Variants in NRXN3 observed in about 807,000 individuals in gnomAD.
NRXN3 encodes neurexin 3.
Under a neutral mutation model 137.6 loss-of-function variants are expected in NRXN3, and 32 were observed. That is an observed-to-expected ratio of 0.23 (90% CI 0.18 to 0.31). The LOEUF (loss-of-function observed/expected upper bound fraction) is 0.31, where lower values mean the gene tolerates loss of function less well. Among genes scored for constraint, NRXN3 ranks in the 10% least tolerant of loss-of-function variants. The probability of loss-of-function intolerance (pLI) is 1.00; values close to 1 mark genes in which losing one functional copy is unlikely to be tolerated. For missense variants in NRXN3, 1,574 were observed against 2,062.5 expected (o/e 0.76, Z 4.59); for synonymous variants, 798 against 784.5 (o/e 1.02, Z -0.29).
chr14:79,383,601 AC>A (rs1429137421), intron 15 of NRXN3, among the ~76,000 whole-genome samples: 5 of 152,172 alleles, frequency 3.3e-5, no homozygotes. Context: ...CACAATACTC[AC>A]TGCTCCTCAG....
chr14:78,410,721 A>G (rs2092776920), intron 4 of NRXN3, among the ~76,000 whole-genome samples: 1 of 152,226 alleles, frequency 6.6e-6, no homozygotes, highest in South Asian at 2.1e-4. Flanking sequence ...TGAAAAATGC[A>G]AAACTCTGGC....
At chr14:78,373,841 G>A (rs1216101707) in intron 4 of NRXN3, among the ~76,000 whole-genome samples, 1 of 152,132 alleles carries the variant, frequency 6.6e-6, no homozygotes, top group East Asian at 1.9e-4. Flanking sequence ...ATCTCTGAGA[G>A]AGAAAAAAAG....
chr14:79,435,492 A>G (rs2095831027), intron 15 of NRXN3, among the ~76,000 whole-genome samples: 1 of 151,922 alleles, frequency 6.6e-6, no homozygotes. Flanking sequence ...TTTCAAAAAA[A>G]CTCAACCTTC....
At chr14:78,878,333 G>T (rs2099118773) in intron 10 of NRXN3, among the ~76,000 whole-genome samples, 2 of 152,088 alleles carry the variant, frequency 1.3e-5, no homozygotes, top group Admixed American at 1.3e-4. Context: ...AACCTTCAGA[G>T]AATCTTTCCA....
At chr14:78,457,055 C>T (rs2094760614) in intron 4 of NRXN3, among the ~76,000 whole-genome samples, 1 of 145,912 alleles carries the variant, frequency 6.9e-6, no homozygotes, top group South Asian at 2.3e-4. Flanking sequence ...CCCGCCACCT[C>T]CTCTTTCTCC....
chr14:78,734,987 G>T (rs984651105), intron 8 of NRXN3, among the ~76,000 whole-genome samples: 2 of 152,142 alleles, frequency 1.3e-5, no homozygotes, highest in Admixed American at 6.6e-5. Flanking sequence ...TTTTTTAAAG[G>T]TCATCTTGGC....
At chr14:79,301,844 C>T (rs2085195768) in intron 15 of NRXN3, among the ~76,000 whole-genome samples, 1 of 151,668 alleles carries the variant, frequency 6.6e-6, no homozygotes, top group South Asian at 2.1e-4. Flanking sequence ...CATTTGTGGA[C>T]TTGAAGTTGA....
intron 1 of NRXN3, among the ~76,000 whole-genome samples, chr14:78,221,399 G>A (rs1192054258): frequency 2.0e-5 from 3 of 152,198 alleles, no homozygotes; most frequent in Admixed American, 1.3e-4. Context: ...CAGGTTACTG[G>A]AGCGGAGGCA....
chr14:78,790,385 T>C (rs922685491), intron 8 of NRXN3, among the ~76,000 whole-genome samples: 2 of 152,140 alleles, frequency 1.3e-5, no homozygotes, highest in African/African-American at 2.4e-5. Context: ...CAGGACTCCG[T>C]TGAGAATGTG....
rs184441794 is a variant in NRXN3 at position 78,372,406 on chromosome 14, C to A, written c.757+74546C>A. 1.6e-3 allele frequency among the ~76,000 whole-genome samples: 238 copies of A among 151,848 alleles called. 1 individual carries two copies. Among genetic ancestry groups the A allele is most frequent in the Non-Finnish European group, 1.4e-3 (95 of 67,962 alleles). On this transcript the variant is annotated intron_variant, in intron 4 of 20. Transcript: ENST00000335750. ...CAGGCTGGAGTGCAGTTCACTGCAGCCTCTGCCTCCTGGGTTCAAGCAATT... is the reference window on the plus strand; with the variant it reads ...CAGGCTGGAGTGCAGTTCACTGCAGACTCTGCCTCCTGGGTTCAAGCAATT...
chr14:79,557,956 A>G (rs1234525404), intron 16 of NRXN3, among the ~76,000 whole-genome samples: 2 of 152,176 alleles, frequency 1.3e-5, no homozygotes, highest in African/African-American at 2.4e-5. Context: ...GAAATATTCT[A>G]CATCCTTTGT....
At chr14:79,788,886 A>T (rs756235078) in intron 19 of NRXN3, among the ~76,000 whole-genome samples, 4 of 152,234 alleles carry the variant, frequency 2.6e-5, no homozygotes, top group Non-Finnish European at 5.9e-5. Context: ...AAGGTATACC[A>T]TTTCAGCAGG....
intron 4 of NRXN3, among the ~76,000 whole-genome samples, chr14:78,497,803 G>A (rs950924121): frequency 1.3e-5 from 2 of 152,180 alleles, no homozygotes; most frequent in Non-Finnish European, 2.9e-5. Flanking sequence ...ATGACCTTAA[G>A]TAAGTTTTGT....
At chr14:79,742,628 T>C (rs375456568) in intron 19 of NRXN3, among the ~76,000 whole-genome samples, 1 of 152,224 alleles carries the variant, frequency 6.6e-6, no homozygotes, top group African/African-American at 2.4e-5. Flanking sequence ...GATCTAATTA[T>C]GTTCTGGTTT....
chr14:79,834,368 T>A (rs1348736834), intron 20 of NRXN3, among the ~76,000 whole-genome samples: 1 of 152,158 alleles, frequency 6.6e-6, no homozygotes, highest in Non-Finnish European at 1.5e-5. Flanking sequence ...CTCTTAGAAT[T>A]GCTAAATGTG....
chr14:78,824,166 T>G (rs549939906), intron 10 of NRXN3, among the ~76,000 whole-genome samples: 29 of 141,218 alleles, frequency 2.1e-4, no homozygotes, highest in Admixed American at 6.0e-4. Flanking sequence ...AGAATCCTGG[T>G]TAAAGGTGAA....
intron 15 of NRXN3, among the ~76,000 whole-genome samples, chr14:78,995,433 G>T (rs561346160): frequency 1.3e-5 from 2 of 152,244 alleles, no homozygotes; most frequent in East Asian, 3.9e-4. Context: ...GTGTAATGGG[G>T]TGGCCTGTGT....
At chr14:79,178,464 T>G (rs2062585621) in intron 15 of NRXN3, among the ~76,000 whole-genome samples, 1 of 152,226 alleles carries the variant, frequency 6.6e-6, no homozygotes. Context: ...TGTGGTATCG[T>G]AGAACAGAAA....
At chr14:79,691,657 C>T (rs1284856913) in intron 17 of NRXN3, among the ~76,000 whole-genome samples, 1 of 152,074 alleles carries the variant, frequency 6.6e-6, no homozygotes, top group Non-Finnish European at 1.5e-5. Flanking sequence ...GTCCTCTCCT[C>T]CTTTCCCCTG....
Sources: gnomAD v4.1 joint callset for allele counts (sites outside exome capture counted in the v4.1 genomes callset) on GRCh38, gnomAD v4.1.1 for gene constraint, MANE v1.5 for transcripts, NCBI Gene and HGNC (gene_info 2026-07-23, HGNC 2026-07-21) for gene names.